ANKMY1: variants seen among roughly 807,000 people sequenced by gnomAD.
ANKMY1 encodes ankyrin repeat and MYND domain containing 1, also known as ankyrin repeat and MYND domain-containing protein 1.
In ANKMY1, 98 loss-of-function variants were observed where a neutral mutation model predicts 102.0. The ratio of observed to expected loss-of-function variants is 0.96; its 90% CI spans 0.82 to 1.14. The LOEUF is 1.14. ANKMY1 is among the 50% of genes most tolerant of loss of function. ANKMY1 has a pLI of 0.00. For synonymous variants in ANKMY1, 582 were observed against 559.9 expected (o/e 1.04, Z -0.56); for missense variants, 1,330 against 1,347.6 (o/e 0.99, Z 0.20).
intron 9 of ANKMY1, among the ~76,000 whole-genome samples, chr2:240,513,622 G>A (rs2080660208): frequency 6.6e-6 from 1 of 152,254 alleles, no homozygotes; most frequent in Admixed American, 6.5e-5. Context: ...ACCAGCATGA[G>A]GACCAGCCAC....
At position 240,524,339 on chromosome 2, in the gene ANKMY1, A is replaced by G. The variant is rs1347776025; in HGVS notation, c.1378T>C (p.Phe460Leu). The change falls in exon 8 of 18, where the codon TTT becomes CTT. Residue 460 changes from phenylalanine to leucine, a missense_variant. By Grantham distance (22) the Phe-to-Leu change is conservative (BLOSUM62 0). Transcript: ENST00000401804. ...AGAGACTCCAGGTTTGTGTCCATAAATGATGATGAAAGGATTGGAACAACT... is the reference window on the plus strand; with the variant it reads ...AGAGACTCCAGGTTTGTGTCCATAAGTGATGATGAAAGGATTGGAACAACT... ...FPVVPILSSS[F>L]MDTNLESLYY... 1 of 1,609,186 alleles carries G rather than the reference A, an allele frequency of 6.2e-7. No individual in the cohort carries two copies. The highest frequency in any genetic ancestry group is 1.7e-5 in the Admixed American group (1 of 59,672).
rs921076748 is a variant in ANKMY1 at position 240,557,780 on chromosome 2, G to A, written c.-18+101C>T. 1.3e-5 allele frequency: 10 copies of A among 781,612 alleles called. No homozygotes were observed. In the African/African-American group the frequency reaches 1.9e-4, roughly 15 times the overall value. 48.4% of individuals were successfully genotyped at this position (781,612 alleles called of 1,614,324 possible). A position where few individuals can be genotyped will look rare whatever the true frequency, so the allele number is the denominator to read the frequency against. ...CCCCAGCCCCTCGGCCCCTCCCTGG[G>A]GTGGGGACCGCGAGCCTGGCGCCCC... On this transcript the variant is annotated intron_variant, in intron 1 of 17. Coordinates refer to ENST00000401804, the MANE Select transcript of ANKMY1 (RefSeq NM_001282771.3).
At chr2:240,472,047 C>T in the ANKMY1 span, among the ~76,000 whole-genome samples, 25 of 152,168 alleles carry the variant, frequency 1.6e-4, no homozygotes, top group Admixed American at 6.5e-5. Flanking sequence ...AGCAGTCCTG[C>T]CTTCCCAAGG....
At chr2:240,468,782 G>T in the ANKMY1 span, among the ~76,000 whole-genome samples, 1 of 152,196 alleles carries the variant, frequency 6.6e-6, no homozygotes, top group South Asian at 2.1e-4. Flanking sequence ...GAGCGTGAGA[G>T]CACAGAGGGG....
chr2:240,552,258 A>T (rs1162094603), intron 4 of ANKMY1, among the ~76,000 whole-genome samples: 1 of 152,208 alleles, frequency 6.6e-6, no homozygotes, highest in East Asian at 1.9e-4. Context: ...CTGGTGTTTC[A>T]GTAACAGCCA....
chr2:240,499,889 A>T lies in ANKMY1; in HGVS notation c.2806+69T>A. 1 of 1,511,234 alleles carries T rather than the reference A, an allele frequency of 6.6e-7. No homozygotes were observed. 93.6% of individuals were successfully genotyped at this position (1,511,234 alleles called of 1,614,324 possible). On this transcript the variant is annotated intron_variant, in intron 15 of 17. Transcript: ENST00000401804. This position sits in a 1 kb window ranked among gnomAD's most constrained non-coding sequence, Gnocchi z 4.2. ...CCCCAGGGGGTCCAGATCTCCAGGG[A>T]TAACAGCCCCAGGCACGAGGCCGGA...
At chr2:240,536,690 C>T (rs1196020383) in intron 4 of ANKMY1, among the ~76,000 whole-genome samples, 1 of 152,270 alleles carries the variant, frequency 6.6e-6, no homozygotes, top group East Asian at 1.9e-4. Flanking sequence ...GAAAATATTA[C>T]ATATGAAGAG....
At chr2:240,521,823 G>A (rs1453788513) in intron 8 of ANKMY1, 2 of 152,242 alleles carry the variant, frequency 1.3e-5, no homozygotes, top group African/African-American at 2.4e-5. Context: ...TAAACATGGT[G>A]TGTCTGGAAT....
intron 8 of ANKMY1, 73 bp downstream of exon 8, chr2:240,523,812 C>T (rs1217478826): frequency 7.7e-6 from 12 of 1,549,186 alleles, no homozygotes; most frequent in Middle Eastern, 2.1e-4. Context: ...AGGGAAGAGA[C>T]GTGGGTCTGC....
intron 9 of ANKMY1, among the ~76,000 whole-genome samples, chr2:240,516,065 G>C (rs1461849725): frequency 1.3e-5 from 2 of 151,716 alleles, no homozygotes; most frequent in African/African-American, 4.8e-5. Context: ...AGGAGGGACA[G>C]ATTCAGTTGG....
intron 4 of ANKMY1, among the ~76,000 whole-genome samples, chr2:240,536,273 A>G (rs746001728): frequency 6.6e-6 from 1 of 152,228 alleles, no homozygotes; most frequent in Non-Finnish European, 1.5e-5. Flanking sequence ...AGAAAAGAAA[A>G]GAAAATTCTT....
At chr2:240,525,969 A>G (rs1053418748) in intron 6 of ANKMY1, 120 bp from the exon 7 acceptor site, 14 of 1,303,710 alleles carry the variant, frequency 1.1e-5, no homozygotes, top group Non-Finnish European at 1.5e-5. Flanking sequence ...ACCAGTGCTC[A>G]TTCGGGAGCT....
downstream of ANKMY1, among the ~76,000 whole-genome samples, chr2:240,479,016 T>A (rs2151811847): frequency 6.6e-6 from 1 of 152,308 alleles, no homozygotes; most frequent in African/African-American, 2.4e-5. Flanking sequence ...CTGCTCCCTG[T>A]CATGTGCTCC....
chr2:240,529,165 G>T lies in ANKMY1; in HGVS notation c.825C>A (p.Phe275Leu). ...AGATGCGGGCGTCCAGCTCTTTGCG[G>T]AAAGAGCTTGTCATGGGCAGGTGGT... The part of the protein sequence containing the change: ...NSDHLPMTSS[F>L]RKELDARIFL... Residue 275 changes from phenylalanine to leucine, a missense_variant, in exon 5 of 18, where the codon TTC becomes TTA. Coordinates refer to ENST00000401804, the MANE Select transcript of ANKMY1 (RefSeq NM_001282771.3). This position sits in a 1 kb window ranked among gnomAD's most constrained non-coding sequence, Gnocchi z 4.2. The T allele has an allele frequency of 6.2e-7, 1 of 1,614,180 alleles. No individual in the cohort carries two copies. Among genetic ancestry groups the T allele is most frequent in the East Asian group, 2.2e-5 (1 of 44,872 alleles).
intron 15 of ANKMY1, among the ~76,000 whole-genome samples, chr2:240,494,095 G>T (rs1377492206): frequency 6.6e-6 from 1 of 152,146 alleles, no homozygotes; most frequent in African/African-American, 2.4e-5. Context: ...CCCCCAGGAG[G>T]AGTGCTCTGT....
intron 14 of ANKMY1, 111 bp from the exon 15 acceptor site, chr2:240,500,234 C>CGA: frequency 7.5e-7 from 1 of 1,340,864 alleles, no homozygotes; most frequent in Non-Finnish European, 1.0e-6. Context: ...TAACTGAGGA[C>CGA]GAACCCAGAC....
In ANKMY1 at chr2:240,529,333, G is replaced by T. The variant is rs150525285; in HGVS notation, c.657C>A (p.Ala219=). ...TCTCCTCTTCTGAGAGGCTGATCCT[G>T]GCAGGGCTGTGGGTGATGAAGCTGG... is the stretch of plus-strand genomic sequence containing the variant. ...EFSSFITHSP[A]RISLSEEEKT... The change falls in exon 5 of 18, where the codon GCC becomes GCA. Residue 219 remains alanine, a synonymous_variant. Transcript: ENST00000401804. This position sits in a 1 kb window ranked among gnomAD's most constrained non-coding sequence, Gnocchi z 4.2. 14,382 of 1,614,174 alleles carry T rather than the reference G, an allele frequency of 8.9e-3. 83 individuals are homozygous for T. Among genetic ancestry groups the T allele is most frequent in the Non-Finnish European group, 0.011 (12,453 of 1,180,028 alleles).
intron 9 of ANKMY1, chr2:240,519,661 G>C (rs1319105971): frequency 6.3e-6 from 1 of 158,960 alleles, no homozygotes; most frequent in Non-Finnish European, 1.4e-5. Flanking sequence ...GGTACACACT[G>C]CCCAGGGGGA....
the ANKMY1 span, among the ~76,000 whole-genome samples, chr2:240,472,295 A>ACGGCCG: frequency 6.7e-6 from 1 of 150,326 alleles, no homozygotes; most frequent in Non-Finnish European, 1.5e-5. Context: ...CTACCAATCT[A>ACGGCCG]CAACTGCACA....
Sources: allele counts gnomAD v4.1 joint callset (sites outside exome capture counted in the v4.1 genomes callset), GRCh38; gene constraint gnomAD v4.1.1; non-coding constraint Gnocchi (gnomAD v3.1); transcripts MANE v1.5; gene names NCBI Gene and HGNC (gene_info 2026-07-23, HGNC 2026-07-21).